Variants in DYNC1I1 observed in about 807,000 individuals in gnomAD.
The protein encoded by DYNC1I1 is cytoplasmic dynein 1 intermediate chain 1.
DYNC1I1 carries 43 observed loss-of-function variants against 86.6 expected under a neutral mutation model. The observed-to-expected ratio is 0.50, with a 90% CI of 0.39 to 0.64. The LOEUF is 0.64. DYNC1I1 is among the 30% of genes least tolerant of loss of function. The pLI, the probability that DYNC1I1 is intolerant of heterozygous loss-of-function variation, is 0.00. For synonymous variants in DYNC1I1, 262 were observed against 283.7 expected (o/e 0.92, Z 0.77); for missense variants, 604 against 788.8 (o/e 0.77, Z 2.81).
intron 1 of DYNC1I1, chr7:95,802,540 T>C (rs998599435): frequency 2.0e-5 from 3 of 152,200 alleles, no homozygotes; most frequent in East Asian, 1.9e-4. Context: ...ACTTTTCTTT[T>C]CAAAAATCTG....
At position 96,087,394 on chromosome 7, in the gene DYNC1I1, T is replaced by G. The variant is rs118190257; in HGVS notation, c.1776+6906T>G. Among the ~76,000 whole-genome samples, 1,158 of 152,322 alleles carry G rather than the reference T, an allele frequency of 7.6e-3. 11 individuals carry two copies. Among genetic ancestry groups the G allele is most frequent in the Non-Finnish European group, 0.011 (734 of 68,020 alleles). On this transcript the variant is annotated intron_variant, in intron 16 of 16. Coordinates refer to ENST00000447467, the MANE Select transcript of DYNC1I1 (RefSeq NM_001135556.2). ...AAACCTGATTGCATGGCTCGGTTTTTGCAGCCTCCAGAAGAGCACAGTTGG... is the reference window on the plus strand; with the variant it reads ...AAACCTGATTGCATGGCTCGGTTTTGGCAGCCTCCAGAAGAGCACAGTTGG...
At chr7:95,997,583 T>TTGTGTGTGTGTGTGTG (rs34117329) in intron 10 of DYNC1I1, among the ~76,000 whole-genome samples, 41 of 142,844 alleles carry the variant, frequency 2.9e-4, no homozygotes, top group East Asian at 2.2e-4. Flanking sequence ...AAGGGCATTC[T>TTGTGTGTGTGTGTGTG]TGTGTGTGTG....
At chr7:95,867,914 A>G (rs150476392) in intron 5 of DYNC1I1, among the ~76,000 whole-genome samples, 9 of 152,356 alleles carry the variant, frequency 5.9e-5, no homozygotes, top group African/African-American at 1.9e-4. Context: ...GTGCTTCAAG[A>G]AAGACCCACT....
chr7:95,809,295 A>G (rs1021382418), intron 2 of DYNC1I1, among the ~76,000 whole-genome samples: 1 of 152,180 alleles, frequency 6.6e-6, no homozygotes, highest in Admixed American at 6.6e-5. Flanking sequence ...TAGATACTAC[A>G]GTGTAGCTAA....
intron 16 of DYNC1I1, among the ~76,000 whole-genome samples, chr7:96,095,161 T>A (rs1790964838): frequency 6.6e-6 from 1 of 152,194 alleles, no homozygotes; most frequent in African/African-American, 2.4e-5. Flanking sequence ...TTAAATTTGA[T>A]AAAACTCATT....
intron 14 of DYNC1I1, among the ~76,000 whole-genome samples, chr7:96,062,651 C>A (rs1008486277): frequency 7.9e-5 from 12 of 152,094 alleles, no homozygotes; most frequent in Non-Finnish European, 1.6e-4. Context: ...GAAATGTATT[C>A]AAAAATTCTT....
chr7:95,895,560 G>A (rs1790860488), intron 6 of DYNC1I1, among the ~76,000 whole-genome samples: 1 of 152,122 alleles, frequency 6.6e-6, no homozygotes, highest in Non-Finnish European at 1.5e-5. Context: ...ACATTCATTA[G>A]CAGTTCCTGG....
chr7:95,815,121 G>A (rs1011604085), intron 4 of DYNC1I1, among the ~76,000 whole-genome samples: 12 of 151,246 alleles, frequency 7.9e-5, no homozygotes, highest in African/African-American at 3.0e-4. Flanking sequence ...TCACAGTTGA[G>A]GAGCCCTTTG....
At chr7:95,931,722 G>A (rs1410797334) in intron 6 of DYNC1I1, among the ~76,000 whole-genome samples, 3 of 152,168 alleles carry the variant, frequency 2.0e-5, no homozygotes, top group Admixed American at 2.0e-4. Flanking sequence ...GCTCAGCTGT[G>A]TAGCCGCAAT....
At chr7:95,990,113 T>A (rs563798289) in intron 9 of DYNC1I1, among the ~76,000 whole-genome samples, 3 of 152,304 alleles carry the variant, frequency 2.0e-5, no homozygotes, top group Admixed American at 6.5e-5. Flanking sequence ...ACCAGAACAC[T>A]TTAACTTTGA....
chr7:95,958,599 G>A (rs1339501313), intron 6 of DYNC1I1, among the ~76,000 whole-genome samples: 3 of 152,112 alleles, frequency 2.0e-5, no homozygotes, highest in Non-Finnish European at 4.4e-5. Context: ...TATACTTTAT[G>A]TTGTAACCAA....
intron 6 of DYNC1I1, among the ~76,000 whole-genome samples, chr7:95,919,760 G>A (rs1791563524): frequency 6.6e-6 from 1 of 152,168 alleles, no homozygotes; most frequent in African/African-American, 2.4e-5. Context: ...GTGAGAACAG[G>A]AAAGATGTAT....
At chr7:95,840,888 C>G (rs1584269337) in intron 5 of DYNC1I1, among the ~76,000 whole-genome samples, 4 of 152,326 alleles carry the variant, frequency 2.6e-5, no homozygotes, top group Admixed American at 2.6e-4. Flanking sequence ...GGTACGTGTT[C>G]TAATGCATCA....
At chr7:95,887,121 A>G (rs954786563) in intron 6 of DYNC1I1, among the ~76,000 whole-genome samples, 2 of 152,284 alleles carry the variant, frequency 1.3e-5, no homozygotes, top group East Asian at 1.9e-4. Flanking sequence ...GCTCTGGTCC[A>G]TTCTGACATG....
intron 14 of DYNC1I1, among the ~76,000 whole-genome samples, chr7:96,059,508 A>G (rs925334381): frequency 6.6e-6 from 1 of 152,198 alleles, no homozygotes; most frequent in Non-Finnish European, 1.5e-5. Flanking sequence ...TTTTGGGGTT[A>G]CAAGTAAATT....
At chr7:96,023,086 G>A (rs1374534554) in intron 10 of DYNC1I1, among the ~76,000 whole-genome samples, 1 of 151,992 alleles carries the variant, frequency 6.6e-6, no homozygotes, top group Non-Finnish European at 1.5e-5. Context: ...ATCTTTGTGG[G>A]TTTCTTAGGT....
chr7:96,018,266 A>C (rs532824309), intron 10 of DYNC1I1, among the ~76,000 whole-genome samples: 1 of 152,348 alleles, frequency 6.6e-6, no homozygotes, highest in East Asian at 1.9e-4. Flanking sequence ...CAAAGAGAAA[A>C]GGCACCTGCA....
At chr7:95,983,209 C>A (rs992872859) in intron 7 of DYNC1I1, among the ~76,000 whole-genome samples, 1 of 152,110 alleles carries the variant, frequency 6.6e-6, no homozygotes, top group Non-Finnish European at 1.5e-5. Flanking sequence ...AGTGTCTCAG[C>A]AGCACTGCTC....
At chr7:96,100,380 T>TTTCC (rs895921728), downstream of DYNC1I1, among the ~76,000 whole-genome samples, 2 of 150,912 alleles carry the variant, frequency 1.3e-5, no homozygotes, top group Non-Finnish European at 3.0e-5. Flanking sequence ...TCCTTCCTTC[T>TTTCC]TTCCTTCCTT....
Sources: gnomAD v4.1 joint callset for allele counts (sites outside exome capture counted in the v4.1 genomes callset) on GRCh38, gnomAD v4.1.1 for gene constraint, MANE v1.5 for transcripts, NCBI Gene and HGNC (gene_info 2026-07-23, HGNC 2026-07-21) for gene names.